Variants in HNRNPR observed in about 807,000 individuals in gnomAD.
HNRNPR encodes heterogeneous nuclear ribonucleoprotein R.
HNRNPR carries 4 observed loss-of-function variants against 70.3 expected under a neutral mutation model. The observed-to-expected ratio is 0.06, with a 90% CI of 0.03 to 0.13. The LOEUF is 0.13. Ranked by LOEUF, HNRNPR falls within the 10% of genes least tolerant of loss-of-function variation. HNRNPR has a pLI of 1.00. For missense variants in HNRNPR, 423 were observed against 788.5 expected (o/e 0.54, Z 5.55); for synonymous variants, 241 against 267.6 (o/e 0.90, Z 0.97).
intron 8 of HNRNPR, among the ~76,000 whole-genome samples, chr1:23,316,529 T>C (rs769179601): frequency 1.3e-5 from 2 of 152,220 alleles, no homozygotes; most frequent in Admixed American, 6.5e-5. Flanking sequence ...TTACAAGCTA[T>C]ACTTTTGGTT....
chr1:23,309,117 A>C lies in HNRNPR; in HGVS notation c.*1337T>G, dbSNP rs1019521632. 1 of 152,102 alleles carries C rather than the reference A, an allele frequency of 6.6e-6. No individual in the cohort carries two copies. The highest frequency in any genetic ancestry group is 1.5e-5 in the Non-Finnish European group (1 of 67,948). 9.4% of individuals were successfully genotyped at this position (152,102 alleles called of 1,614,324 possible). A position where few individuals can be genotyped will look rare whatever the true frequency, so the allele number is the denominator to read the frequency against. On this transcript the variant is annotated 3_prime_UTR_variant, in exon 11 of 11. Coordinates refer to ENST00000302271, the MANE Select transcript of HNRNPR (RefSeq NM_005826.5). ...AGATGTTATGTCTTGGCCAACAAAA[A>C]ATTTGGGCATCAGGGATAGCAGATA...
At chr1:23,320,523 G>A (rs1471997406) in intron 7 of HNRNPR, among the ~76,000 whole-genome samples, 1 of 152,232 alleles carries the variant, frequency 6.6e-6, no homozygotes, top group African/African-American at 2.4e-5. Flanking sequence ...GAGGAAGACA[G>A]TGAGCCAGAA....
At chr1:23,321,445 T>C (rs1645755777) in intron 7 of HNRNPR, 83 bp downstream of exon 7, 6 of 1,172,182 alleles carry the variant, frequency 5.1e-6, no homozygotes, top group Middle Eastern at 2.2e-4. Context: ...ATTTAATACA[T>C]ACAACCCCTC....
At chr1:23,324,129 A>T (rs1645866577) in intron 5 of HNRNPR, among the ~76,000 whole-genome samples, 1 of 151,772 alleles carries the variant, frequency 6.6e-6, no homozygotes, top group Non-Finnish European at 1.5e-5. Context: ...CCTAGGCAAC[A>T]TGGCAAAACC....
chr1:23,331,725 T>C (rs1006464930), intron 5 of HNRNPR, among the ~76,000 whole-genome samples: 2 of 147,758 alleles, frequency 1.4e-5, no homozygotes, highest in Non-Finnish European at 3.0e-5. Context: ...TCCCAGCTAC[T>C]GGGGAGGCTG....
intron 5 of HNRNPR, among the ~76,000 whole-genome samples, chr1:23,331,190 A>C (rs1646206184): frequency 6.6e-6 from 1 of 152,286 alleles, no homozygotes; most frequent in Non-Finnish European, 1.5e-5. Flanking sequence ...CTTTCTCCTA[A>C]AGGAACAATG....
intron 7 of HNRNPR, among the ~76,000 whole-genome samples, chr1:23,319,960 A>G (rs1290214242): frequency 2.0e-5 from 3 of 152,204 alleles, no homozygotes; most frequent in Non-Finnish European, 4.4e-5. Context: ...GGAAACAGGG[A>G]TAGTAGCTAT....
chr1:23,341,578 A>C (rs1646705255), intron 1 of HNRNPR, among the ~76,000 whole-genome samples: 3 of 152,144 alleles, frequency 2.0e-5, no homozygotes, highest in Admixed American at 1.3e-4. Context: ...ACAAAAAAAA[A>C]CCAACTTGAC....
Position 23,307,561 on chromosome 1 carries a change from CCTTAT to C in HNRNPR, c.*2888_*2892del, listed in dbSNP as rs1452796291. On this transcript the variant is annotated 3_prime_UTR_variant, in exon 11 of 11. Coordinates refer to ENST00000302271, the MANE Select transcript of HNRNPR (RefSeq NM_005826.5). ...AAACTACAGAATCATAACTCATTTT[CCTTAT>C]CTTTTCACCAAATAAACCTGCATTT... The C allele has an allele frequency of 6.6e-6, 1 of 151,846 alleles. No homozygotes were observed. Among genetic ancestry groups the C allele is most frequent in the Non-Finnish European group, 1.5e-5 (1 of 67,862 alleles). 9.4% of individuals were successfully genotyped at this position (151,846 alleles called of 1,614,324 possible). A position where few individuals can be genotyped will look rare whatever the true frequency, so the allele number is the denominator to read the frequency against.
At chr1:23,326,880 C>T (rs1271718250) in intron 5 of HNRNPR, among the ~76,000 whole-genome samples, 1 of 152,166 alleles carries the variant, frequency 6.6e-6, no homozygotes, top group African/African-American at 2.4e-5. Context: ...ACCGTCAAAA[C>T]CTTTTCTTAC....
intron 4 of HNRNPR, among the ~76,000 whole-genome samples, chr1:23,336,716 C>T (rs578086076): frequency 1.1e-3 from 158 of 143,258 alleles, no homozygotes; most frequent in Middle Eastern, 3.6e-3. Flanking sequence ...GCTGAGATGG[C>T]GCTACTGCAC....
intron 1 of HNRNPR, among the ~76,000 whole-genome samples, chr1:23,343,457 G>A (rs1452191561): frequency 6.6e-6 from 1 of 152,218 alleles, no homozygotes; most frequent in Non-Finnish European, 1.5e-5. Context: ...TGAAAGGACT[G>A]AACCTTCCAA....
At chr1:23,311,554 C>A (rs1469706810) in intron 9 of HNRNPR, 3 of 351,326 alleles carry the variant, frequency 8.5e-6, no homozygotes, top group African/African-American at 2.1e-5. Flanking sequence ...ACAAAACCGA[C>A]CACCTGATAT....
chr1:23,332,361 T>C (rs968031228), intron 5 of HNRNPR, among the ~76,000 whole-genome samples: 4 of 150,288 alleles, frequency 2.7e-5, no homozygotes, highest in African/African-American at 9.8e-5. Context: ...GAGTGATAGG[T>C]GAGGCAAGGG....
rs1645216520 is a variant in HNRNPR, at chr1:23,307,262, G to A, written c.*3192C>T. 6.6e-6 allele frequency: 1 copy of A among 152,084 alleles called. No individual in the cohort carries two copies. The highest frequency in any genetic ancestry group is 1.5e-5 in the Non-Finnish European group (1 of 67,956). 9.4% of individuals were successfully genotyped at this position (152,084 alleles called of 1,614,324 possible). On this transcript the variant is annotated 3_prime_UTR_variant, in exon 11 of 11. Coordinates refer to ENST00000302271, the MANE Select transcript of HNRNPR (RefSeq NM_005826.5). ...GGTATGATTATATTCAAATGGGCAG[G>A]AGGCAAATGATGTAATGAGTTTCAA...
At chr1:23,328,790 G>A (rs1027669246) in intron 5 of HNRNPR, among the ~76,000 whole-genome samples, 7 of 152,082 alleles carry the variant, frequency 4.6e-5, no homozygotes, top group African/African-American at 7.2e-5. Context: ...GTGAGCCACC[G>A]CACCCGGCCA....
intron 7 of HNRNPR, 35 bp downstream of exon 7, chr1:23,321,493 C>G: frequency 6.3e-7 from 1 of 1,589,490 alleles, no homozygotes; most frequent in Non-Finnish European, 8.6e-7. Context: ...CAACATATTT[C>G]GCAAAAGTAA....
At chr1:23,311,389 A>C in intron 9 of HNRNPR, 67 bp from the exon 10 acceptor site, 1 of 1,045,090 alleles carries the variant, frequency 9.6e-7, no homozygotes, top group Non-Finnish European at 1.4e-6. Flanking sequence ...ATAGTATGTA[A>C]GCTATTATAC....
In HNRNPR at chr1:23,304,902, A is replaced by G. The variant is rs2148281339; in HGVS notation, c.*5552T>C. 6.6e-6 allele frequency: 1 copy of G among 152,304 alleles called. No individual in the cohort carries two copies. The highest frequency in any genetic ancestry group is 1.5e-5 in the Non-Finnish European group (1 of 68,004). 9.4% of individuals were successfully genotyped at this position (152,304 alleles called of 1,614,324 possible). A position where few individuals can be genotyped will look rare whatever the true frequency, so the allele number is the denominator to read the frequency against. Reference sequence around the variant, plus strand: ...CAGGAGCCTTCAGTCCAATTATAGAAATAGTCTTAGAACATAGTACCTAAC... The same window carrying G: ...CAGGAGCCTTCAGTCCAATTATAGAGATAGTCTTAGAACATAGTACCTAAC... On this transcript the variant is annotated 3_prime_UTR_variant, in exon 11 of 11. Coordinates refer to ENST00000302271, the MANE Select transcript of HNRNPR (RefSeq NM_005826.5).
Sources: allele counts gnomAD v4.1 joint callset (sites outside exome capture counted in the v4.1 genomes callset), GRCh38; gene constraint gnomAD v4.1.1; transcripts MANE v1.5; gene names NCBI Gene and HGNC (gene_info 2026-07-23, HGNC 2026-07-21).